The following CNTNAP2 variants were observed in gnomAD, a reference collection of about 807,000 sequenced individuals.
The protein encoded by CNTNAP2 is contactin-associated protein-like 2.
In CNTNAP2, 98 loss-of-function variants were observed where a neutral mutation model predicts 155.2. That is an observed-to-expected ratio of 0.63 (90% CI 0.54 to 0.75). CNTNAP2 has a LOEUF of 0.75. Ranked by LOEUF, CNTNAP2 falls within the 30% of genes least tolerant of loss-of-function variation. CNTNAP2 has a pLI of 0.00. For missense variants in CNTNAP2, 1,727 were observed against 1,688.1 expected (o/e 1.02, Z -0.40); for synonymous variants, 651 against 631.2 (o/e 1.03, Z -0.47).
chr7:146,346,338 A>T (rs1239532854), intron 1 of CNTNAP2, among the ~76,000 whole-genome samples: 1 of 152,148 alleles, frequency 6.6e-6, no homozygotes, highest in African/African-American at 2.4e-5. Flanking sequence ...AGGAGAGTGA[A>T]TCCTATTGTC....
intron 1 of CNTNAP2, among the ~76,000 whole-genome samples, chr7:146,702,955 T>C (rs1800901814): frequency 6.6e-6 from 1 of 152,124 alleles, no homozygotes; most frequent in Non-Finnish European, 1.5e-5. Flanking sequence ...TTGTTGTTGA[T>C]CTTATATGCA....
At chr7:147,866,906 T>A (rs754564741) in intron 13 of CNTNAP2, among the ~76,000 whole-genome samples, 3 of 152,244 alleles carry the variant, frequency 2.0e-5, no homozygotes, top group Non-Finnish European at 4.4e-5. Flanking sequence ...TTATCCAATT[T>A]GCCAATATGT....
intron 13 of CNTNAP2, among the ~76,000 whole-genome samples, chr7:147,759,643 G>A (rs1797268551): frequency 6.6e-6 from 1 of 152,162 alleles, no homozygotes; most frequent in Non-Finnish European, 1.5e-5. Context: ...AAAAATGTCT[G>A]CGATCACTAG....
At chr7:148,321,861 G>T (rs1461227480) in intron 21 of CNTNAP2, among the ~76,000 whole-genome samples, 8 of 151,384 alleles carry the variant, frequency 5.3e-5, no homozygotes, top group Non-Finnish European at 7.4e-5. Flanking sequence ...AACTGCAAAA[G>T]AATTCTAGCT....
At chr7:146,481,408 A>G in intron 1 of CNTNAP2, among the ~76,000 whole-genome samples, 1 of 152,210 alleles carries the variant, frequency 6.6e-6, no homozygotes, top group South Asian at 2.1e-4. Context: ...GACCTTTTGC[A>G]AGTTACTCAC....
At chr7:147,171,405 A>C (rs963770978) in intron 8 of CNTNAP2, among the ~76,000 whole-genome samples, 2 of 152,194 alleles carry the variant, frequency 1.3e-5, no homozygotes, top group African/African-American at 4.8e-5. Flanking sequence ...TGAAAAGAAA[A>C]TGTTATGGAA....
At chr7:146,227,667 C>T (rs532577607) in intron 1 of CNTNAP2, among the ~76,000 whole-genome samples, 175 of 151,954 alleles carry the variant, frequency 1.2e-3, no homozygotes, top group African/African-American at 4.2e-3. Flanking sequence ...CGGAAGAGTG[C>T]AGAGAACAGG....
chr7:147,819,849 T>G (rs79164155), intron 13 of CNTNAP2, among the ~76,000 whole-genome samples: 2,811 of 152,302 alleles, frequency 0.018, 92 homozygotes, highest in East Asian at 0.15. Context: ...TAGAGTTTAC[T>G]CCATGTTGTT....
chr7:146,305,085 A>G (rs59126429), intron 1 of CNTNAP2, among the ~76,000 whole-genome samples: 21,789 of 152,102 alleles, frequency 0.14, 4,068 homozygotes, highest in African/African-American at 0.43. Flanking sequence ...TTGTCCATGC[A>G]TCACGTCGTT....
intron 9 of CNTNAP2, among the ~76,000 whole-genome samples, chr7:147,335,365 T>A (rs1000607529): frequency 1.3e-5 from 2 of 152,176 alleles, no homozygotes; most frequent in African/African-American, 4.8e-5. Flanking sequence ...AGGAAGGTGA[T>A]TTGCCTGTCA....
intron 3 of CNTNAP2, among the ~76,000 whole-genome samples, chr7:147,033,111 G>A (rs1238229774): frequency 7.2e-6 from 1 of 138,260 alleles, no homozygotes; most frequent in Non-Finnish European, 1.5e-5. Flanking sequence ...TATTTATTTG[G>A]GTAAAGAGCA....
intron 21 of CNTNAP2, among the ~76,000 whole-genome samples, chr7:148,291,490 A>G (rs1352930555): frequency 1.3e-5 from 2 of 152,048 alleles, no homozygotes; most frequent in Non-Finnish European, 2.9e-5. Flanking sequence ...CTGGGAGGCT[A>G]GGCCAAGTCT....
intron 9 of CNTNAP2, among the ~76,000 whole-genome samples, chr7:147,364,551 G>A (rs1171778950): frequency 6.6e-6 from 1 of 152,188 alleles, no homozygotes. Flanking sequence ...ATTCCTTGAT[G>A]TTAATGGAAG....
At chr7:147,162,281 T>C (rs1308588521) in intron 8 of CNTNAP2, 1 of 152,244 alleles carries the variant, frequency 6.6e-6, no homozygotes, top group African/African-American at 2.4e-5. Context: ...ATCTTTAGGT[T>C]ATCTGCAGAG....
At chr7:147,300,076 T>C in intron 8 of CNTNAP2, 65 bp from the exon 9 acceptor site, 11 of 1,536,596 alleles carry the variant, frequency 7.2e-6, no homozygotes, top group Non-Finnish European at 9.9e-6. Flanking sequence ...GATTTGTTGA[T>C]TTTGGAAATT....
chr7:146,446,358 A>G (rs957401639), intron 1 of CNTNAP2, among the ~76,000 whole-genome samples: 1 of 152,142 alleles, frequency 6.6e-6, no homozygotes, highest in Non-Finnish European at 1.5e-5. Context: ...GCTCCAAATT[A>G]TCTAGAGAAA....
intron 3 of CNTNAP2, among the ~76,000 whole-genome samples, chr7:146,943,621 C>T (rs181677305): frequency 1.4e-4 from 22 of 152,338 alleles, no homozygotes; most frequent in Non-Finnish European, 2.5e-4. Context: ...GTAGTAGCAA[C>T]CGCAGCTGCA....
intron 6 of CNTNAP2, among the ~76,000 whole-genome samples, chr7:147,124,081 G>A (rs1801183983): frequency 1.3e-5 from 2 of 152,000 alleles, no homozygotes; most frequent in Admixed American, 1.3e-4. Context: ...CTCACGGACT[G>A]TATTAGAGTC....
intron 14 of CNTNAP2, among the ~76,000 whole-genome samples, chr7:147,912,134 T>C (rs1369942396): frequency 1.3e-5 from 2 of 152,186 alleles, no homozygotes; most frequent in Non-Finnish European, 2.9e-5. Flanking sequence ...ACTGTTTCCT[T>C]AACCACAGCA....
Sources: allele counts gnomAD v4.1 joint callset (sites outside exome capture counted in the v4.1 genomes callset), GRCh38; gene constraint gnomAD v4.1.1; transcripts MANE v1.5; gene names NCBI Gene and HGNC (gene_info 2026-07-23, HGNC 2026-07-21).